PLVAP: variants seen among roughly 807,000 people sequenced by gnomAD.
The protein encoded by PLVAP is plasmalemma vesicle-associated protein.
Under a neutral mutation model 43.1 loss-of-function variants are expected in PLVAP, and 34 were observed. The observed-to-expected ratio is 0.79, with a 90% CI of 0.60 to 1.05. The LOEUF is 1.05. Among genes scored for constraint, PLVAP ranks in the 50% least tolerant of loss-of-function variants. PLVAP has a pLI of 0.00. For synonymous variants in PLVAP, 241 were observed against 237.3 expected, an observed-to-expected ratio of 1.02 and a Z score of -0.14; for missense variants, 574 against 593.4, an observed-to-expected ratio of 0.97 and a Z score of 0.34.
chr19:17,366,992 G>GAGT, intron 1 of PLVAP, among the ~76,000 whole-genome samples: 1 of 148,422 alleles, frequency 6.7e-6, no homozygotes, highest in Non-Finnish European at 1.5e-5. Context: ...ACCCAGGCTG[G>GAGT]AGTGCAGTGG....
rs1301183423 is a variant in PLVAP at position 17,371,257 on chromosome 19, G to A, written c.370-5062C>T. On this transcript the variant is annotated intron_variant, in intron 1 of 5. Coordinates refer to ENST00000252590, the MANE Select transcript of PLVAP (RefSeq NM_031310.3). Reference sequence around the variant, plus strand: ...GCTCACTGCAACCTCTACTTCCTGGGTTCAAGTGATTCTCATGCCTCAGCC... The same window carrying A: ...GCTCACTGCAACCTCTACTTCCTGGATTCAAGTGATTCTCATGCCTCAGCC... Among the ~76,000 whole-genome samples the A allele has an allele frequency of 2.0e-5, 3 of 151,032 alleles. No homozygotes were observed. In the East Asian group the frequency reaches 5.9e-4, roughly 30 times the overall value.
rs185027753 is a variant in PLVAP, at chr19:17,368,437, C to T, written c.370-2242G>A. On this transcript the variant is annotated intron_variant, in intron 1 of 5. Transcript: ENST00000252590. ...ATGTTGGCCAGGCTGGTTTCAAACT[C>T]CTGACCTCAGGTGATTCGCCCCCCT... Among the ~76,000 whole-genome samples, 135 of 151,944 alleles carry T rather than the reference C, an allele frequency of 8.9e-4. 1 individual carries two copies. The highest frequency in any genetic ancestry group is 2.8e-3 in the African/African-American group (118 of 41,472).
chr19:17,360,696 G>A (rs1262260154), intron 4 of PLVAP, 76 bp downstream of exon 4: 2 of 1,577,718 alleles, frequency 1.3e-6, no homozygotes, highest in African/African-American at 2.7e-5. Context: ...CCAGGGGAGT[G>A]GGAAAGTGGG....
At chr19:17,367,197 G>C (rs1244397028) in intron 1 of PLVAP, among the ~76,000 whole-genome samples, 3 of 151,524 alleles carry the variant, frequency 2.0e-5, no homozygotes, top group Admixed American at 6.6e-5. Flanking sequence ...CAACTGCCAG[G>C]GCCTCCCAGC....
chr19:17,359,338 T>A (rs1568373543), intron 5 of PLVAP, among the ~76,000 whole-genome samples: 2 of 151,154 alleles, frequency 1.3e-5, no homozygotes, highest in African/African-American at 4.9e-5. Context: ...AGTTTTGAAC[T>A]CCTGAGCTCA....
chr19:17,360,086 T>C (rs2074522170), intron 5 of PLVAP, among the ~76,000 whole-genome samples: 1 of 152,166 alleles, frequency 6.6e-6, no homozygotes, highest in African/African-American at 2.4e-5. Flanking sequence ...TCCGATGGCC[T>C]GGGTTCATGT....
intron 1 of PLVAP, among the ~76,000 whole-genome samples, chr19:17,374,830 T>G (rs749505412): frequency 1.3e-4 from 19 of 150,862 alleles, no homozygotes; most frequent in East Asian, 3.9e-4. Context: ...ATGTATGTAT[T>G]TATTTTTAGA....
intron 1 of PLVAP, 36 bp from the exon 2 acceptor site, chr19:17,366,231 C>T (rs959223151): frequency 3.7e-6 from 6 of 1,602,754 alleles, no homozygotes; most frequent in East Asian, 2.2e-5. Context: ...CAGGACAGAG[C>T]TTAGTGTCTT....
rs773260384 is a variant in PLVAP, at chr19:17,365,671, A to T, written c.794T>A (p.Leu265Ter). ...YNLYHPLGSE[L>*]ASIRRACDHM... Reference sequence around the variant, plus strand: ...GTCGCAGGCTCTGCGGATGGAGGCCAATTCCGAGCCCAGGGGATGGTAGAG... The same window carrying T: ...GTCGCAGGCTCTGCGGATGGAGGCCTATTCCGAGCCCAGGGGATGGTAGAG... The change falls in exon 3 of 6, where the codon TTG becomes TAG. Residue 265 changes from leucine (L) to a stop codon, truncating the protein, a stop_gained. Coordinates refer to ENST00000252590, the MANE Select transcript of PLVAP (RefSeq NM_031310.3). LOFTEE classifies it high-confidence loss of function. The T allele has an allele frequency of 6.2e-7, 1 of 1,613,714 alleles. No homozygotes were observed. Among genetic ancestry groups the T allele is most frequent in the East Asian group, 2.2e-5 (1 of 44,874 alleles).
chr19:17,370,942 G>A (rs2074569769), intron 1 of PLVAP, among the ~76,000 whole-genome samples: 1 of 151,394 alleles, frequency 6.6e-6, no homozygotes, highest in Admixed American at 6.6e-5. Context: ...TGTAGTCCCA[G>A]CTACTCGGGA....
intron 1 of PLVAP, among the ~76,000 whole-genome samples, chr19:17,376,416 G>A (rs1171201553): frequency 6.6e-6 from 1 of 152,018 alleles, no homozygotes; most frequent in African/African-American, 2.4e-5. Context: ...CTTGAGTCCA[G>A]GAGATTGAGG....
rs2074592819 is a variant in PLVAP, at chr19:17,375,858, G to C, written c.369+1062C>G. On this transcript the variant is annotated intron_variant, in intron 1 of 5. Coordinates refer to ENST00000252590, the MANE Select transcript of PLVAP (RefSeq NM_031310.3). Reference sequence around the variant, plus strand: ...ATTGTGCCACTGCACTTCAGCCTGGGTGACAGAGCGAGACTCCGTCTCAAA... The same window carrying C: ...ATTGTGCCACTGCACTTCAGCCTGGCTGACAGAGCGAGACTCCGTCTCAAA... Among the ~76,000 whole-genome samples the C allele has an allele frequency of 2.0e-5, 3 of 148,540 alleles. No individual in the cohort carries two copies. In the Admixed American group the frequency reaches 2.0e-4, roughly 10 times the overall value.
intron 3 of PLVAP, chr19:17,362,207 C>T (rs943558316): frequency 6.6e-6 from 1 of 152,286 alleles, no homozygotes; most frequent in Non-Finnish European, 1.5e-5. Flanking sequence ...CCAGCCTCTG[C>T]CCAGCTCCCA....
At chr19:17,372,493 G>A (rs556971658) in intron 1 of PLVAP, among the ~76,000 whole-genome samples, 92 of 149,710 alleles carry the variant, frequency 6.1e-4, no homozygotes, top group Non-Finnish European at 4.4e-4. Flanking sequence ...GTCTCGCTCT[G>A]TCGCCCAGGC....
chr19:17,370,106 T>C (rs1331521231), intron 1 of PLVAP, among the ~76,000 whole-genome samples: 2 of 146,738 alleles, frequency 1.4e-5, no homozygotes, highest in Admixed American at 6.9e-5. Flanking sequence ...CCCACGAGGG[T>C]GGCTATTTTA....
intron 5 of PLVAP, among the ~76,000 whole-genome samples, chr19:17,353,137 C>T (rs1470444615): frequency 6.6e-6 from 1 of 152,226 alleles, no homozygotes; most frequent in African/African-American, 2.4e-5. Context: ...CTAAGTCCCG[C>T]TTCCGCTGGT....
rs368430967 is a variant in PLVAP at position 17,370,583 on chromosome 19, GAACAGGCA to G, written c.370-4396_370-4389del. Among the ~76,000 whole-genome samples, 384 of 152,258 alleles carry G rather than the reference GAACAGGCA, an allele frequency of 2.5e-3. 4 individuals are homozygous for G. Among genetic ancestry groups the G allele is most frequent in the African/African-American group, 8.8e-3 (366 of 41,540 alleles). On this transcript the variant is annotated intron_variant, in intron 1 of 5. Transcript: ENST00000252590. ...AGATTCCACTGACATGAAATGCCCA[GAACAGGCA>G]AATCCATAGAGACAGGAAGCAGGTT...
chr19:17,362,986 A>G (rs1337850217), intron 3 of PLVAP, among the ~76,000 whole-genome samples: 2 of 151,902 alleles, frequency 1.3e-5, no homozygotes, highest in African/African-American at 2.4e-5. Flanking sequence ...TTTAACTCCG[A>G]CCCTAACCCC....
chr19:17,365,097 A>C (rs956635405), intron 3 of PLVAP, among the ~76,000 whole-genome samples, 189 bp downstream of exon 3: 3 of 151,108 alleles, frequency 2.0e-5, no homozygotes, highest in African/African-American at 7.3e-5. Flanking sequence ...TTAACCCTAC[A>C]CTCTTCTCAA....
Sources: gnomAD v4.1 joint callset for allele counts (sites outside exome capture counted in the v4.1 genomes callset) on GRCh38, gnomAD v4.1.1 for gene constraint, MANE v1.5 for transcripts, NCBI Gene and HGNC (gene_info 2026-07-23, HGNC 2026-07-21) for gene names.